GNPTG: variants seen among roughly 807,000 people sequenced by gnomAD.
GNPTG encodes the protein N-acetylglucosamine-1-phosphotransferase subunit gamma.
A neutral mutation model predicts 43.8 loss-of-function variants in GNPTG; 46 were observed. The ratio of observed to expected loss-of-function variants is 1.05; its 90% confidence interval spans 0.83 to 1.34. The LOEUF is 1.34. Ranked by LOEUF, GNPTG falls within the 40% of genes most tolerant of loss-of-function variation. The probability of loss-of-function intolerance (pLI) is 0.00; values close to 1 mark genes in which losing one functional copy is unlikely to be tolerated. For synonymous variants in GNPTG, 250 were observed against 172.8 expected (o/e 1.45, Z -3.50); for missense variants, 549 against 411.3 (o/e 1.33, Z -2.90).
rs869067502 is a variant in GNPTG, at chr16:1,354,585, C to CAAAA, written c.178+2300_178+2303dup. 1.6e-3 allele frequency among the ~76,000 whole-genome samples: 69 copies of CAAAA among 44,296 alleles called. 2 individuals are homozygous for CAAAA. The highest frequency in any genetic ancestry group is 4.3e-3 in the African/African-American group (54 of 12,442). 29.1% of individuals were successfully genotyped at this position (44,296 alleles called of 152,430 possible). A position where few individuals can be genotyped will look rare whatever the true frequency, so the allele number is the denominator to read the frequency against. On this transcript the variant is annotated intron_variant, in intron 3 of 10. Transcript: ENST00000204679. ...TGGGTGACAGAGCAAGACTTCGTCTCAAAAAAAAAAAAAAAAAAAAAAAAC... is the reference window on the plus strand; with the variant it reads ...TGGGTGACAGAGCAAGACTTCGTCTCAAAAAAAAAAAAAAAAAAAAAAAAAAAAC...
At position 1,361,967 on chromosome 16, in the gene GNPTG, C is replaced by T. The variant is rs374558065; in HGVS notation, c.317+12C>T. The T allele has an allele frequency of 6.7e-5, 108 of 1,613,392 alleles. No individual in the cohort carries two copies. The Middle Eastern group carries it at 8.2e-4, about 12-fold the overall frequency. ...AGTGGGATCCTCGGGTGAGTGGGGC[C>T]GGGGCAGGGATCCCAAAGCAGCAGC... On this transcript the variant is annotated intron_variant, in intron 5 of 10. Transcript: ENST00000204679.
chr16:1,363,474 C>T lies in GNPTG; in HGVS notation c.*383C>T, dbSNP rs991670410. 9 of 329,256 alleles carry T rather than the reference C, an allele frequency of 2.7e-5. No homozygotes were observed. The highest frequency in any genetic ancestry group is 8.3e-5 in the East Asian group (1 of 12,030). 20.4% of individuals were successfully genotyped at this position (329,256 alleles called of 1,614,324 possible). Reference sequence around the variant, plus strand: ...CACGCGGAACAAGGTCTGCTGACCACAGTTACACACGTCGTGACACCACTG... The same window carrying T: ...CACGCGGAACAAGGTCTGCTGACCATAGTTACACACGTCGTGACACCACTG... On this transcript the variant is annotated 3_prime_UTR_variant, in exon 11 of 11. Transcript: ENST00000204679.
intron 3 of GNPTG, among the ~76,000 whole-genome samples, chr16:1,354,174 T>TG (rs1253181274): frequency 9.1e-6 from 1 of 109,902 alleles, no homozygotes; most frequent in African/African-American, 3.6e-5. Context: ...CCCAAGAAGC[T>TG]GGGGAGGAGG....
At chr16:1,352,468 T>C (rs574688866) in intron 3 of GNPTG, 162 bp downstream of exon 3, 2 of 749,222 alleles carry the variant, frequency 2.7e-6, no homozygotes, top group Admixed American at 4.2e-5. Context: ...ACCAGAACGT[T>C]CTTGTAGCGA....
In GNPTG at chr16:1,363,502, T is replaced by C. The variant is rs898155441; in HGVS notation, c.*411T>C. On this transcript the variant is annotated 3_prime_UTR_variant, in exon 11 of 11. Transcript: ENST00000204679. ...TTACACACGTCGTGACACCACTGTA[T>C]CACGGCGAATGTCGAACACTAGAGT... 1.0e-5 allele frequency: 3 copies of C among 286,886 alleles called. No individual in the cohort carries two copies. Among genetic ancestry groups the C allele is most frequent in the South Asian group, 6.1e-5 (2 of 32,636 alleles). 17.8% of individuals were successfully genotyped at this position (286,886 alleles called of 1,614,324 possible). A position where few individuals can be genotyped will look rare whatever the true frequency, so the allele number is the denominator to read the frequency against.
chr16:1,360,016 G>A (rs2034842140), intron 3 of GNPTG, among the ~76,000 whole-genome samples: 1 of 152,094 alleles, frequency 6.6e-6, no homozygotes. Context: ...GACTGAGGCG[G>A]GAAAATCGGT....
intron 7 of GNPTG, 23 bp from the exon 8 acceptor site, chr16:1,362,429 C>T: frequency 6.2e-7 from 1 of 1,613,190 alleles, no homozygotes; most frequent in Non-Finnish European, 8.5e-7. Flanking sequence ...TGCAGCTGAG[C>T]CTGGCTTCTC....
chr16:1,356,596 C>T (rs368432393), intron 3 of GNPTG, among the ~76,000 whole-genome samples: 2 of 152,154 alleles, frequency 1.3e-5, no homozygotes, highest in African/African-American at 2.4e-5. Flanking sequence ...CCATCCCCTG[C>T]GGGAGGCTGC....
chr16:1,362,065 C>T lies in GNPTG; in HGVS notation c.345C>T (p.Asn115=). The change falls in exon 6 of 11, where the codon AAC becomes AAT. Residue 115 remains asparagine, a synonymous_variant. Transcript: ENST00000204679. ...TCTGGCACGAGTGGGAGATCGCCAA[C>T]AACACCTTCACGGGCATGTGGATGA... ...LGIWHEWEIA[N]NTFTGMWMRD... The T allele has an allele frequency of 1.2e-6, 2 of 1,612,542 alleles. No individual in the cohort carries two copies. The highest frequency in any genetic ancestry group is 2.2e-5 in the East Asian group (1 of 44,822).
intron 10 of GNPTG, 45 bp from the exon 11 acceptor site, chr16:1,362,952 C>T (rs757394794): frequency 6.2e-7 from 1 of 1,613,778 alleles, no homozygotes; most frequent in South Asian, 1.1e-5. Flanking sequence ...TCACACTCGC[C>T]ACCTGTGGGT....
intron 3 of GNPTG, among the ~76,000 whole-genome samples, chr16:1,359,403 G>A (rs2034832713): frequency 6.6e-6 from 1 of 152,010 alleles, no homozygotes; most frequent in Non-Finnish European, 1.5e-5. Context: ...CGAGTAGCTG[G>A]GACTGCAGGC....
intron 3 of GNPTG, among the ~76,000 whole-genome samples, chr16:1,356,374 G>C (rs898057470): frequency 3.9e-5 from 6 of 152,200 alleles, no homozygotes; most frequent in African/African-American, 1.4e-4. Flanking sequence ...TGGCATTTGG[G>C]GGTGGTGGTA....
Position 1,363,403 on chromosome 16 carries a change from A to T in GNPTG, c.*312A>T. The T allele has an allele frequency of 2.6e-6, 1 of 386,028 alleles. No individual in the cohort carries two copies. Among genetic ancestry groups the T allele is most frequent in the South Asian group, 2.2e-5 (1 of 45,434 alleles). 23.9% of individuals were successfully genotyped at this position (386,028 alleles called of 1,614,324 possible). ...AAATAACATTCTCATGTAAATACTC[A>T]AACATACAGATTGAGGCTTCCAGAA... is the stretch of plus-strand genomic sequence containing the variant. On this transcript the variant is annotated 3_prime_UTR_variant, in exon 11 of 11. Transcript: ENST00000204679.
Position 1,361,370 on chromosome 16 carries a change from C to T in GNPTG, c.179-373C>T, listed in dbSNP as rs1031593895. 9.4e-5 allele frequency: 27 copies of T among 286,706 alleles called. No homozygotes were observed. The Admixed American group carries it at 1.1e-3, about 12-fold the overall frequency. 17.8% of individuals were successfully genotyped at this position (286,706 alleles called of 1,614,324 possible). On this transcript the variant is annotated intron_variant, in intron 3 of 10. Coordinates refer to ENST00000204679, the MANE Select transcript of GNPTG (RefSeq NM_032520.5). The stretch of plus-strand genomic sequence containing the variant: ...TGTTGAAAACTGGTCCTTGGCCGGG[C>T]GCGGTGGCTCAAACCTGTAATCCCA...
At chr16:1,353,060 C>A (rs1463599821) in intron 3 of GNPTG, among the ~76,000 whole-genome samples, 1 of 150,846 alleles carries the variant, frequency 6.6e-6, no homozygotes, top group Admixed American at 6.6e-5. Context: ...ACCTCCGCCT[C>A]CCAGGTTCAA....
intron 3 of GNPTG, among the ~76,000 whole-genome samples, chr16:1,353,493 T>C (rs2034720413): frequency 6.6e-6 from 1 of 152,044 alleles, no homozygotes; most frequent in Non-Finnish European, 1.5e-5. Flanking sequence ...AGGGAGTGTG[T>C]GTATGTGTGT....
At chr16:1,356,788 G>C (rs2034783585) in intron 3 of GNPTG, among the ~76,000 whole-genome samples, 1 of 152,138 alleles carries the variant, frequency 6.6e-6, no homozygotes, top group African/African-American at 2.4e-5. Flanking sequence ...AGCAGTGTCT[G>C]CCTGGGGCAA....
rs555595061 is a variant in GNPTG, at chr16:1,362,810, T to C, written c.742-15T>C. On this transcript the variant is annotated splice_polypyrimidine_tract_variant and intron_variant, in intron 9 of 10. Coordinates refer to ENST00000204679, the MANE Select transcript of GNPTG (RefSeq NM_032520.5). ...GCACCTGGGCTTTCCCTTGAACTCT[T>C]TTTGTGGTTGGTAGGCTCATAAAGA... The C allele has an allele frequency of 3.1e-6, 5 of 1,613,962 alleles. No homozygotes were observed. In the South Asian group the frequency reaches 3.3e-5, roughly 11 times the overall value.
chr16:1,361,427 G>A (rs1350255443), intron 3 of GNPTG: 5 of 363,500 alleles, frequency 1.4e-5, no homozygotes, highest in Non-Finnish European at 2.7e-5. Context: ...GGTGGATCAC[G>A]AGGTCAGGAG....
Sources: allele counts gnomAD v4.1 joint callset (sites outside exome capture counted in the v4.1 genomes callset), GRCh38; gene constraint gnomAD v4.1.1; transcripts MANE v1.5; gene names NCBI Gene and HGNC (gene_info 2026-07-23, HGNC 2026-07-21).